The following GALNT2 variants were observed in gnomAD, a reference collection of about 807,000 sequenced individuals.
GALNT2 encodes polypeptide N-acetylgalactosaminyltransferase 2, also known as UDP-GalNAc:polypeptide N-acetylgalactosaminyltransferase 2.
Under a neutral mutation model 81.4 loss-of-function variants are expected in GALNT2, and 31 were observed. The observed-to-expected ratio is 0.38, with a 90% CI of 0.29 to 0.51. GALNT2 has a LOEUF of 0.51. GALNT2 is among the 20% of genes least tolerant of loss of function. The probability of loss-of-function intolerance (pLI) is 0.87; values close to 1 mark genes in which losing one functional copy is unlikely to be tolerated. For missense variants in GALNT2, 629 were observed against 765.7 expected (o/e 0.82, Z 2.11); for synonymous variants, 303 against 287.4 (o/e 1.05, Z -0.55).
intron 14 of GALNT2, among the ~76,000 whole-genome samples, chr1:230,265,728 TATG>T (rs1283134466): frequency 2.0e-5 from 3 of 152,232 alleles, no homozygotes; most frequent in Admixed American, 6.5e-5. Context: ...GGCCCCAGAA[TATG>T]ATGTCTACAC....
At chr1:230,198,119 A>T (rs1317853564) in intron 2 of GALNT2, among the ~76,000 whole-genome samples, 1 of 152,184 alleles carries the variant, frequency 6.6e-6, no homozygotes, top group Non-Finnish European at 1.5e-5. Context: ...GCAGGATTGG[A>T]TTCCTTTTCA....
intron 1 of GALNT2, among the ~76,000 whole-genome samples, chr1:230,161,998 T>C (rs561296081): frequency 1.3e-5 from 2 of 152,316 alleles, no homozygotes; most frequent in South Asian, 2.1e-4. Context: ...TGGGGTATTA[T>C]TAAAGTAAGA....
At chr1:230,235,942 C>A in intron 3 of GALNT2, 72 bp from the exon 4 acceptor site, 3 of 1,422,914 alleles carry the variant, frequency 2.1e-6, no homozygotes, top group East Asian at 2.3e-5. Flanking sequence ...TCTGCCTGTT[C>A]TCTGAAGGGC....
chr1:230,107,215 C>T (rs2078219), intron 1 of GALNT2, among the ~76,000 whole-genome samples: 65,236 of 152,154 alleles, frequency 0.43, 14,000 homozygotes, highest in South Asian at 0.53. Context: ...CAGATGGTGA[C>T]TTCCTCCTTG....
chr1:230,153,982 A>C (rs1263514043), intron 1 of GALNT2, among the ~76,000 whole-genome samples: 1 of 152,226 alleles, frequency 6.6e-6, no homozygotes, highest in African/African-American at 2.4e-5. Context: ...GTGGGTGTCT[A>C]CCTTATAAAG....
chr1:230,158,573 C>T (rs1399725984), intron 1 of GALNT2, among the ~76,000 whole-genome samples: 1 of 152,212 alleles, frequency 6.6e-6, no homozygotes, highest in Non-Finnish European at 1.5e-5. Context: ...GCCTGGTATC[C>T]ACAAGAGTGG....
intron 1 of GALNT2, among the ~76,000 whole-genome samples, chr1:230,087,293 G>A (rs1412665075): frequency 3.3e-5 from 5 of 152,192 alleles, no homozygotes; most frequent in South Asian, 4.1e-4. Context: ...ACTAATTACC[G>A]AATTTCACAA....
intron 1 of GALNT2, among the ~76,000 whole-genome samples, chr1:230,096,397 G>A (rs1477502643): frequency 6.6e-6 from 1 of 152,142 alleles, no homozygotes; most frequent in Non-Finnish European, 1.5e-5. Flanking sequence ...GGAGTCATGG[G>A]GGTGGCATGG....
At chr1:230,154,874 G>A (rs913835610) in intron 1 of GALNT2, among the ~76,000 whole-genome samples, 8 of 152,306 alleles carry the variant, frequency 5.3e-5, no homozygotes, top group Admixed American at 3.3e-4. Flanking sequence ...ACTTACTCAG[G>A]TAGTCTCTGT....
chr1:230,180,360 G>A (rs1663120826), intron 2 of GALNT2, among the ~76,000 whole-genome samples: 2 of 117,926 alleles, frequency 1.7e-5, no homozygotes, highest in African/African-American at 6.7e-5. Flanking sequence ...AACATTTGCT[G>A]AAGAGACTCT....
At chr1:230,211,323 G>C (rs1664227720) in intron 3 of GALNT2, among the ~76,000 whole-genome samples, 1 of 152,222 alleles carries the variant, frequency 6.6e-6, no homozygotes, top group Admixed American at 6.5e-5. Flanking sequence ...GGTGGGGACA[G>C]GCGCTTCTCT....
intron 7 of GALNT2, among the ~76,000 whole-genome samples, chr1:230,244,410 C>A (rs1412158629): frequency 6.6e-6 from 1 of 152,146 alleles, no homozygotes; most frequent in Non-Finnish European, 1.5e-5. Context: ...AAATCCCTAT[C>A]TGAGCCCCTC....
At chr1:230,064,578 T>C (rs954094543), upstream of GALNT2, among the ~76,000 whole-genome samples, 1 of 152,194 alleles carries the variant, frequency 6.6e-6, no homozygotes, top group Non-Finnish European at 1.5e-5. Context: ...TGGAGTGCAA[T>C]GGCATGATCT....
At chr1:230,143,122 G>A (rs1661801205) in intron 1 of GALNT2, among the ~76,000 whole-genome samples, 1 of 152,162 alleles carries the variant, frequency 6.6e-6, no homozygotes, top group Admixed American at 6.5e-5. Flanking sequence ...TACTCCTGGA[G>A]CCTGAGTCCA....
intron 1 of GALNT2, among the ~76,000 whole-genome samples, chr1:230,131,769 A>C (rs534342439): frequency 6.6e-6 from 1 of 152,304 alleles, no homozygotes; most frequent in East Asian, 1.9e-4. Flanking sequence ...GGTCGTGATC[A>C]ACTCAGTATA....
At chr1:230,178,365 A>C in intron 2 of GALNT2, 54 bp downstream of exon 2, 7 of 1,351,474 alleles carry the variant, frequency 5.2e-6, no homozygotes, top group Non-Finnish European at 7.4e-6. Context: ...TTGGGAGTGG[A>C]CTGAGCATGG....
chr1:230,252,923 C>T (rs1390483761), intron 10 of GALNT2, among the ~76,000 whole-genome samples: 2 of 134,540 alleles, frequency 1.5e-5, no homozygotes, highest in African/African-American at 2.8e-5. Flanking sequence ...CTTGGCTCAC[C>T]GCAACGTTCG....
chr1:230,202,535 G>A (rs1322488880), intron 2 of GALNT2, among the ~76,000 whole-genome samples: 1 of 152,192 alleles, frequency 6.6e-6, no homozygotes, highest in Non-Finnish European at 1.5e-5. Context: ...GGAATGGCCA[G>A]GCCCCTGCTG....
chr1:230,173,011 C>T (rs561565021), intron 1 of GALNT2, among the ~76,000 whole-genome samples: 21 of 152,274 alleles, frequency 1.4e-4, no homozygotes, highest in African/African-American at 4.1e-4. Flanking sequence ...CCATTTGTGC[C>T]TCTGTTGTGT....
Sources: allele counts gnomAD v4.1 joint callset (sites outside exome capture counted in the v4.1 genomes callset), GRCh38; gene constraint gnomAD v4.1.1; transcripts MANE v1.5; gene names NCBI Gene and HGNC (gene_info 2026-07-23, HGNC 2026-07-21).